COL21A1: variants seen among roughly 807,000 people sequenced by gnomAD.
The protein encoded by COL21A1 is collagen type XXI alpha 1 chain, also known as collagen alpha-1(XXI) chain.
Under a neutral mutation model 137.9 loss-of-function variants are expected in COL21A1, and 149 were observed. The ratio of observed to expected loss-of-function variants is 1.08; its 90% confidence interval spans 0.95 to 1.24. The LOEUF is 1.24. Among genes scored for constraint, COL21A1 ranks in the 50% most tolerant of loss-of-function variants. COL21A1 has a pLI of 0.00. For synonymous variants in COL21A1, 456 were observed against 391.5 expected (o/e 1.16, Z -1.95); for missense variants, 1,167 against 1,158.4 (o/e 1.01, Z -0.11).
chr6:56,361,754 A>ATGTGCG (rs915060797), intron 1 of COL21A1, among the ~76,000 whole-genome samples: 6 of 152,008 alleles, frequency 3.9e-5, no homozygotes, highest in African/African-American at 7.2e-5. Flanking sequence ...ATGGCTGCGT[A>ATGTGCG]TGTGCGTGTG....
At chr6:56,149,709 T>TTA (rs199669907) in intron 10 of COL21A1, among the ~76,000 whole-genome samples, 4,036 of 152,228 alleles carry the variant, frequency 0.027, 104 homozygotes, top group Middle Eastern at 0.068. Flanking sequence ...ATCCAATAGA[T>TTA]CAGCAAGTCC....
At chr6:56,279,532 A>T (rs1378628543) in intron 1 of COL21A1, among the ~76,000 whole-genome samples, 2 of 152,302 alleles carry the variant, frequency 1.3e-5, no homozygotes, top group South Asian at 2.1e-4. Context: ...TTTCCAATGC[A>T]GCTCTCATGA....
At chr6:56,073,043 A>G (rs974211575) in intron 20 of COL21A1, among the ~76,000 whole-genome samples, 4 of 151,404 alleles carry the variant, frequency 2.6e-5, no homozygotes, top group African/African-American at 9.7e-5. Context: ...CCTTTTACGG[A>G]AAGTCCAACA....
rs181703605 is a variant in COL21A1, at chr6:56,129,716, G to C, written c.1543-3567C>G. On this transcript the variant is annotated intron_variant, in intron 12 of 29. Transcript: ENST00000244728. ...TGTGTGTGTGAGAGAGAGAGAGAGA[G>C]AGAGAGACAGACAGACAGAAAGATA... Among the ~76,000 whole-genome samples the C allele has an allele frequency of 5.3e-4, 80 of 149,718 alleles. 1 individual carries two copies. The highest frequency in any genetic ancestry group is 2.2e-3 in the East Asian group (11 of 4,988).
At chr6:56,358,614 G>A (rs1241190682) in intron 1 of COL21A1, among the ~76,000 whole-genome samples, 1 of 152,108 alleles carries the variant, frequency 6.6e-6, no homozygotes, top group Non-Finnish European at 1.5e-5. Flanking sequence ...ATTCAATTCT[G>A]TATGTTTTTA....
chr6:56,124,711 C>G (rs1371013459), intron 14 of COL21A1, among the ~76,000 whole-genome samples: 21 of 151,718 alleles, frequency 1.4e-4, no homozygotes, highest in Admixed American at 1.2e-3. Flanking sequence ...GTGCAATCTC[C>G]GCTCACTGCA....
intron 1 of COL21A1, among the ~76,000 whole-genome samples, chr6:56,381,683 T>G (rs1207613150): frequency 6.6e-6 from 1 of 152,182 alleles, no homozygotes; most frequent in Admixed American, 6.5e-5. Context: ...TATAAAACTT[T>G]CCCTTTAATC....
Position 56,141,811 on chromosome 6 carries a change from C to T in COL21A1, c.1516G>A (p.Gly506Arg). The part of the protein sequence containing the change: ...QGARGLPGYK[G>R]EPGRDGDKGD... Reference sequence around the variant, plus strand: ...TTGTCACCATCTCGCCCTGGTTCTCCTTTGTAACCTGGTAGTCCTCGAGCT... The same window carrying T: ...TTGTCACCATCTCGCCCTGGTTCTCTTTTGTAACCTGGTAGTCCTCGAGCT... Residue 506 changes from glycine (G) to arginine (R), a missense_variant, in exon 12 of 30, where the codon GGA becomes AGA. Gly to Arg is a moderately radical substitution (Grantham distance 125). Coordinates refer to ENST00000244728, the MANE Select transcript of COL21A1 (RefSeq NM_030820.4). 3 of 1,613,654 alleles carry T rather than the reference C, an allele frequency of 1.9e-6. No homozygotes were observed. Among genetic ancestry groups the T allele is most frequent in the Non-Finnish European group, 1.7e-6 (2 of 1,179,730 alleles).
At chr6:56,329,314 T>C (rs1258803189) in intron 1 of COL21A1, among the ~76,000 whole-genome samples, 3 of 152,098 alleles carry the variant, frequency 2.0e-5, no homozygotes, top group African/African-American at 7.2e-5. Context: ...TATCCTTTTA[T>C]CACTGGTTCC....
At chr6:56,194,478 A>T (rs1182541802) in intron 1 of COL21A1, among the ~76,000 whole-genome samples, 1 of 152,276 alleles carries the variant, frequency 6.6e-6, no homozygotes, top group South Asian at 2.1e-4. Context: ...GAAGAGACCA[A>T]TTATTCTTTA....
intron 1 of COL21A1, among the ~76,000 whole-genome samples, chr6:56,387,870 C>T (rs2094021178): frequency 6.6e-6 from 1 of 152,154 alleles, no homozygotes; most frequent in African/African-American, 2.4e-5. Context: ...CTTGGGCAAG[C>T]CTTAGTGCTG....
intron 24 of COL21A1, among the ~76,000 whole-genome samples, chr6:56,062,830 C>A (rs890590407): frequency 3.3e-5 from 5 of 152,002 alleles, no homozygotes; most frequent in African/African-American, 1.2e-4. Context: ...CTAGGACCAA[C>A]ATAAGAGAGA....
chr6:56,227,741 T>A (rs1377744338), intron 1 of COL21A1, among the ~76,000 whole-genome samples: 1 of 152,084 alleles, frequency 6.6e-6, no homozygotes, highest in Non-Finnish European at 1.5e-5. Flanking sequence ...AGCCTAGTGA[T>A]AGCCTCAGCA....
At chr6:56,392,226 A>G (rs960295863) in intron 1 of COL21A1, among the ~76,000 whole-genome samples, 6 of 152,190 alleles carry the variant, frequency 3.9e-5, no homozygotes, top group African/African-American at 1.4e-4. Flanking sequence ...TATCATACCA[A>G]CAGAACAAAG....
chr6:56,294,828 A>G (rs1764126869), intron 1 of COL21A1, among the ~76,000 whole-genome samples: 1 of 152,024 alleles, frequency 6.6e-6, no homozygotes, highest in Non-Finnish European at 1.5e-5. Context: ...AGTTCTTTGT[A>G]TATTTTGGAT....
chr6:56,071,819 T>C (rs1766779587), intron 20 of COL21A1, among the ~76,000 whole-genome samples: 1 of 151,640 alleles, frequency 6.6e-6, no homozygotes, highest in Non-Finnish European at 1.5e-5. Context: ...ATAATTATTA[T>C]CTTTTTAAGT....
chr6:56,229,034 T>G (rs1281204418), intron 1 of COL21A1, among the ~76,000 whole-genome samples: 1 of 151,856 alleles, frequency 6.6e-6, no homozygotes, highest in Non-Finnish European at 1.5e-5. Flanking sequence ...ATAATAGCAT[T>G]ATGGATATGT....
At chr6:56,286,457 A>ACATG (rs1004849088) in intron 1 of COL21A1, among the ~76,000 whole-genome samples, 17 of 152,220 alleles carry the variant, frequency 1.1e-4, no homozygotes, top group Non-Finnish European at 2.4e-4. Context: ...ATATATGCAC[A>ACATG]CATGTATACA....
Position 56,101,464 on chromosome 6 carries a change from G to T in COL21A1, c.1812+8C>A. The T allele has an allele frequency of 6.3e-7, 1 of 1,583,736 alleles. No individual in the cohort carries two copies. The highest frequency in any genetic ancestry group is 8.6e-7 in the Non-Finnish European group (1 of 1,160,414). ...CATCTTTTAGAACTGAAATGAGAAGGTACTCACAGGCTCTCCCCGTGTTCC... is the reference window on the plus strand; with the variant it reads ...CATCTTTTAGAACTGAAATGAGAAGTTACTCACAGGCTCTCCCCGTGTTCC... On this transcript the variant is annotated splice_region_variant and intron_variant, in intron 17 of 29. Transcript: ENST00000244728.
Sources: gnomAD v4.1 joint callset for allele counts (sites outside exome capture counted in the v4.1 genomes callset) on GRCh38, gnomAD v4.1.1 for gene constraint, MANE v1.5 for transcripts, NCBI Gene and HGNC (gene_info 2026-07-23, HGNC 2026-07-21) for gene names.